Variants in STK31 observed in about 807,000 individuals in gnomAD.
The protein encoded by STK31 is serine/threonine kinase 31, also known as serine/threonine-protein kinase 31.
STK31 carries 89 observed loss-of-function variants against 129.7 expected under a neutral mutation model. That is an observed-to-expected ratio of 0.69 (90% CI 0.58 to 0.82). STK31 has a LOEUF of 0.82. STK31 is among the 40% of genes least tolerant of loss of function. The probability of loss-of-function intolerance (pLI) is 0.00; values close to 1 mark genes in which losing one functional copy is unlikely to be tolerated. For synonymous variants in STK31, 448 were observed against 395.3 expected (o/e 1.13, Z -1.58); for missense variants, 1,187 against 1,176.4 (o/e 1.01, Z -0.13).
chr7:23,730,771 T>C (rs1787354449), intron 6 of STK31, among the ~76,000 whole-genome samples: 1 of 149,770 alleles, frequency 6.7e-6, no homozygotes, highest in Admixed American at 6.7e-5. Flanking sequence ...AAAAAGTTAA[T>C]TTTAGAACTG....
At chr7:23,797,985 A>G (rs890963687) in intron 22 of STK31, among the ~76,000 whole-genome samples, 7 of 152,224 alleles carry the variant, frequency 4.6e-5, no homozygotes, top group East Asian at 1.9e-4. Context: ...TATGCAAATC[A>G]ACTAGAAAAT....
chr7:23,758,122 G>A (rs866556987), intron 10 of STK31, among the ~76,000 whole-genome samples: 6 of 152,240 alleles, frequency 3.9e-5, no homozygotes, highest in South Asian at 4.1e-4. Flanking sequence ...AGTCTCTTAC[G>A]TCTACTTCTT....
At chr7:23,813,577 A>G (rs1255551358) in intron 22 of STK31, among the ~76,000 whole-genome samples, 1 of 152,202 alleles carries the variant, frequency 6.6e-6, no homozygotes, top group Non-Finnish European at 1.5e-5. Context: ...CTGTGGTTTT[A>G]ACGACAATCT....
intron 5 of STK31, 76 bp downstream of exon 5, chr7:23,727,391 G>A (rs965218852): frequency 2.7e-5 from 34 of 1,255,446 alleles, no homozygotes; most frequent in Non-Finnish European, 3.9e-5. Flanking sequence ...TGCTTATTTA[G>A]CCCTTCATTG....
At chr7:23,823,588 G>A (rs1321165734) in intron 23 of STK31, among the ~76,000 whole-genome samples, 1 of 152,114 alleles carries the variant, frequency 6.6e-6, no homozygotes, top group Non-Finnish European at 1.5e-5. Flanking sequence ...CTGTGCAGAA[G>A]CTCTTTAGTT....
At chr7:23,781,728 A>G (rs1390248844) in intron 16 of STK31, among the ~76,000 whole-genome samples, 1 of 152,214 alleles carries the variant, frequency 6.6e-6, no homozygotes, top group Non-Finnish European at 1.5e-5. Context: ...TGTGGAAATA[A>G]CTGAAAATTG....
upstream of STK31, chr7:23,710,205 A>G: frequency 1.9e-6 from 3 of 1,608,336 alleles, no homozygotes; most frequent in Non-Finnish European, 2.5e-6. Flanking sequence ...ACGCAGGCGC[A>G]GTGTGGGGCC....
intron 17 of STK31, 133 bp downstream of exon 17, chr7:23,783,796 T>G: frequency 1.6e-6 from 1 of 644,184 alleles, no homozygotes; most frequent in South Asian, 2.5e-5. Flanking sequence ...TTATGGGTAT[T>G]AGAACTTTTT....
chr7:23,735,762 C>G lies in STK31; in HGVS notation c.708C>G (p.Leu236=). The part of the protein sequence containing the change: ...LDPGQLVLRN[L]KSPIPLWGHR... ...CTGGTCAACTTGTTCTCAGGAACCTCAAAAGCCCCATTCCTTTGTGGGGGC... is the reference window on the plus strand; with the variant it reads ...CTGGTCAACTTGTTCTCAGGAACCTGAAAAGCCCCATTCCTTTGTGGGGGC... Residue 236 remains leucine (L), a synonymous_variant, in exon 7 of 24, where the codon CTC becomes CTG. Coordinates refer to ENST00000355870, the MANE Select transcript of STK31 (RefSeq NM_031414.5). The G allele has an allele frequency of 6.2e-7, 1 of 1,614,110 alleles. No individual in the cohort carries two copies. The highest frequency in any genetic ancestry group is 8.5e-7 in the Non-Finnish European group (1 of 1,180,010).
At position 23,754,321 on chromosome 7, in the gene STK31, C is replaced by T. The variant is rs184445962; in HGVS notation, c.1140C>T (p.Val380=). Residue 380 remains valine, a synonymous_variant, in exon 10 of 24, where the codon GTC becomes GTT. Transcript: ENST00000355870. ...TTGATGTTTTTAAAAATAGGCATGT[C>T]GACATCAGTGTCCGTTTCGGAAAAG... The part of the protein sequence containing the change: ...KMEILKEMRH[V]DISVRFGKDL... 2.0e-4 allele frequency: 323 copies of T among 1,607,000 alleles called. No homozygotes were observed. In the Admixed American group the frequency reaches 3.9e-3, roughly 19 times the overall value.
chr7:23,799,118 T>C (rs1452586770), intron 22 of STK31, among the ~76,000 whole-genome samples: 13 of 151,898 alleles, frequency 8.6e-5, no homozygotes, highest in Admixed American at 8.5e-4. Context: ...GAAAACAAAT[T>C]CCATGCTCAT....
intron 23 of STK31, among the ~76,000 whole-genome samples, chr7:23,822,396 G>C (rs73273210): frequency 0.017 from 2,515 of 152,026 alleles, 89 homozygotes; most frequent in African/African-American, 0.057. Flanking sequence ...TTTTGTAGCT[G>C]TTGTAAATGG....
At chr7:23,756,240 T>C (rs1789076034) in intron 10 of STK31, among the ~76,000 whole-genome samples, 1 of 152,178 alleles carries the variant, frequency 6.6e-6, no homozygotes, top group South Asian at 2.1e-4. Flanking sequence ...TCCTAGGTAT[T>C]TTATTCTGTT....
At chr7:23,752,418 C>T (rs572279422) in intron 8 of STK31, among the ~76,000 whole-genome samples, 2 of 150,014 alleles carry the variant, frequency 1.3e-5, no homozygotes, top group Admixed American at 6.6e-5. Context: ...GGCACAATCT[C>T]GCCTCGCTGC....
At chr7:23,746,374 C>A (rs1788356373) in intron 8 of STK31, among the ~76,000 whole-genome samples, 1 of 152,164 alleles carries the variant, frequency 6.6e-6, no homozygotes, top group Non-Finnish European at 1.5e-5. Flanking sequence ...AGGCTCCCAG[C>A]CAAGAAGGCT....
intron 23 of STK31, among the ~76,000 whole-genome samples, chr7:23,817,412 G>C: frequency 8.3e-6 from 1 of 120,804 alleles, no homozygotes; most frequent in Non-Finnish European, 1.9e-5. Flanking sequence ...TAATAAGCAA[G>C]TTCAAATTAT....
At chr7:23,752,682 G>T in intron 8 of STK31, 35 bp from the exon 9 acceptor site, 1 of 1,427,712 alleles carries the variant, frequency 7.0e-7, no homozygotes, top group South Asian at 1.2e-5. Context: ...TTTCCTATTT[G>T]GGTCTCACGA....
intron 3 of STK31, among the ~76,000 whole-genome samples, chr7:23,715,351 C>T (rs150655900): frequency 1.7e-3 from 257 of 151,812 alleles, no homozygotes; most frequent in African/African-American, 5.8e-3. Context: ...GGCATGGTGG[C>T]TCATGCCTGT....
chr7:23,772,414 A>G (rs1409644502), intron 15 of STK31, 136 bp downstream of exon 15: 11 of 874,464 alleles, frequency 1.3e-5, no homozygotes, highest in Non-Finnish European at 1.8e-5. Context: ...TATATACTTT[A>G]TCTTGTTTTC....
Sources: allele counts gnomAD v4.1 joint callset (sites outside exome capture counted in the v4.1 genomes callset), GRCh38; gene constraint gnomAD v4.1.1; transcripts MANE v1.5; gene names NCBI Gene and HGNC (gene_info 2026-07-23, HGNC 2026-07-21).